Variants in MANBA observed in about 807,000 individuals in gnomAD.
MANBA encodes beta-mannosidase.
A neutral mutation model predicts 111.1 loss-of-function variants in MANBA; 83 were observed. That is an observed-to-expected ratio of 0.75 (90% confidence interval 0.63 to 0.90). MANBA has a LOEUF of 0.90. MANBA is among the 40% of genes least tolerant of loss of function. The probability of loss-of-function intolerance (pLI) is 0.00; values close to 1 mark genes in which losing one functional copy is unlikely to be tolerated. For synonymous variants in MANBA, 370 were observed against 378.7 expected (o/e 0.98, Z 0.27); for missense variants, 1,036 against 1,069.0 (o/e 0.97, Z 0.43).
chr4:102,747,814 G>A (rs1221720132), intron 1 of MANBA, among the ~76,000 whole-genome samples: 1 of 152,186 alleles, frequency 6.6e-6, no homozygotes, highest in African/African-American at 2.4e-5. Context: ...CTAATTTTCT[G>A]ACCAAAGAGA....
chr4:102,728,842 G>C, intron 1 of MANBA: 1 of 887,900 alleles, frequency 1.1e-6, no homozygotes, highest in South Asian at 1.4e-5. Context: ...TGGTGCGGCT[G>C]AAGGAGCTGG....
chr4:102,716,313 A>T (rs1722331124), intron 4 of MANBA, among the ~76,000 whole-genome samples: 1 of 149,112 alleles, frequency 6.7e-6, no homozygotes, highest in Non-Finnish European at 1.5e-5. Context: ...CAGTCTCAAA[A>T]AAAAAAAAAA....
chr4:102,751,906 T>C, intron 1 of MANBA: 1 of 619,418 alleles, frequency 1.6e-6, no homozygotes, highest in South Asian at 1.4e-5. Context: ...ACTATTCTCT[T>C]ATGGGAGTGG....
intron 12 of MANBA, among the ~76,000 whole-genome samples, chr4:102,651,163 G>A (rs228623): frequency 0.48 from 72,462 of 151,518 alleles, 17,532 homozygotes; most frequent in South Asian, 0.54. Flanking sequence ...CTATAATAGG[G>A]ATACTATGAG....
chr4:102,672,741 A>C (rs227275), intron 8 of MANBA, among the ~76,000 whole-genome samples: 83,017 of 151,880 alleles, frequency 0.55, 22,855 homozygotes, highest in African/African-American at 0.6. Context: ...GAGCAGGAAC[A>C]CTATTGTGAA....
intron 14 of MANBA, 27 bp from the exon 15 acceptor site, chr4:102,636,034 A>T: frequency 6.2e-7 from 1 of 1,609,198 alleles, no homozygotes; most frequent in Non-Finnish European, 8.5e-7. Context: ...GTGTCAGGAG[A>T]CGGCAAGGTC....
chr4:102,738,009 T>C (rs963495179), intron 1 of MANBA, among the ~76,000 whole-genome samples: 4 of 152,176 alleles, frequency 2.6e-5, no homozygotes, highest in African/African-American at 9.7e-5. Context: ...CCTTGGGACC[T>C]CTATGGTCCT....
intron 1 of MANBA, chr4:102,751,943 G>T: frequency 1.5e-6 from 1 of 676,506 alleles, no homozygotes; most frequent in South Asian, 1.4e-5. Flanking sequence ...GTGAAAGCCC[G>T]ACCGTGCTGC....
intron 10 of MANBA, chr4:102,667,979 T>C (rs903219339): frequency 6.6e-6 from 1 of 152,242 alleles, no homozygotes; most frequent in Non-Finnish European, 1.5e-5. Flanking sequence ...ATCAGTCCGA[T>C]GTTTCAGTAG....
chr4:102,745,150 A>G (rs191571335), intron 1 of MANBA, among the ~76,000 whole-genome samples: 29 of 152,272 alleles, frequency 1.9e-4, no homozygotes, highest in African/African-American at 7.0e-4. Context: ...CTTGGTATCA[A>G]TGTCAGCTCA....
chr4:102,682,572 A>G (rs890923544), intron 7 of MANBA: 2 of 152,188 alleles, frequency 1.3e-5, no homozygotes, highest in Non-Finnish European at 2.9e-5. Context: ...TCCCCCCAAA[A>G]TTCATGTCCA....
chr4:102,657,855 C>T lies in MANBA; in HGVS notation c.1531G>A (p.Ala511Thr). The T allele has an allele frequency of 1.9e-6, 3 of 1,613,888 alleles. No homozygotes were observed. Among genetic ancestry groups the T allele is most frequent in the Non-Finnish European group, 2.5e-6 (3 of 1,179,796 alleles). Residue 511 changes from alanine (A) to threonine (T), a missense_variant, in exon 12 of 17, where the codon GCT (alanine) becomes ACT (threonine). Physicochemically the swap from Ala to Thr is moderately conservative, Grantham distance 58. Transcript: ENST00000647097. Reference sequence around the variant, plus strand: ...ACCCAGGCTTCTGCAACAGTTTCAGCCCCATTTGTAGGACTGGACGTAATA... The same window carrying T: ...ACCCAGGCTTCTGCAACAGTTTCAGTCCCATTTGTAGGACTGGACGTAATA... ...PFITSSPTNG[A>T]ETVAEAWVSQ...
intron 5 of MANBA, among the ~76,000 whole-genome samples, chr4:102,710,918 G>T (rs1413143845): frequency 1.1e-4 from 16 of 152,012 alleles, no homozygotes; most frequent in Non-Finnish European, 4.4e-5. Context: ...TCCATAAGCA[G>T]AAAAATGAAA....
At chr4:102,729,662 C>G (rs774912162) in intron 1 of MANBA, 117 of 1,486,814 alleles carry the variant, frequency 7.9e-5, no homozygotes, top group Non-Finnish European at 9.9e-5. Flanking sequence ...CCTCCACCAG[C>G]CCGGGCATGT....
At chr4:102,683,804 A>G (rs2110236387) in intron 7 of MANBA, among the ~76,000 whole-genome samples, 1 of 152,282 alleles carries the variant, frequency 6.6e-6, no homozygotes, top group Non-Finnish European at 1.5e-5. Flanking sequence ...TGATATCCCA[A>G]CATTTATTTT....
chr4:102,685,767 G>T (rs1056867221), intron 7 of MANBA, among the ~76,000 whole-genome samples: 1 of 151,960 alleles, frequency 6.6e-6, no homozygotes, highest in African/African-American at 2.4e-5. Flanking sequence ...ATAATACAAA[G>T]AATCCAGAGA....
rs562142580 is a variant in MANBA at position 102,695,020 on chromosome 4, T to TA, written c.674-4250dup. Among the ~76,000 whole-genome samples, 45 of 152,136 alleles carry TA rather than the reference T, an allele frequency of 3.0e-4. 1 individual carries two copies. The East Asian group carries it at 8.3e-3, about 28-fold the overall frequency. Reference sequence around the variant, plus strand: ...CAGAGATGACTCAGTGAGTGTTCTTTAAAAAAAGAAAAAAACAAAGAGCAC... The same window carrying TA: ...CAGAGATGACTCAGTGAGTGTTCTTTAAAAAAAAGAAAAAAACAAAGAGCAC... On this transcript the variant is annotated intron_variant, in intron 5 of 16. Coordinates refer to ENST00000647097, the MANE Select transcript of MANBA (RefSeq NM_005908.4).
At chr4:102,727,862 GA>G in intron 1 of MANBA, 3 of 580,154 alleles carry the variant, frequency 5.2e-6, no homozygotes, top group Non-Finnish European at 6.3e-6. Flanking sequence ...TCCTAAAGAT[GA>G]AAAAGCCCCT....
intron 1 of MANBA, chr4:102,752,031 G>A (rs1255180113): frequency 8.0e-6 from 6 of 747,748 alleles, no homozygotes; most frequent in African/African-American, 1.7e-5. Flanking sequence ...CCTGGGATAA[G>A]ATGCTAAAGA....
Sources: allele counts gnomAD v4.1 joint callset (sites outside exome capture counted in the v4.1 genomes callset), GRCh38; gene constraint gnomAD v4.1.1; transcripts MANE v1.5; gene names NCBI Gene and HGNC (gene_info 2026-07-23, HGNC 2026-07-21).